Variants in PRKCQ observed in about 807,000 individuals in gnomAD.
The protein encoded by PRKCQ is protein kinase C theta, also known as protein kinase C theta type.
PRKCQ carries 41 observed loss-of-function variants against 91.2 expected under a neutral mutation model. The ratio of observed to expected loss-of-function variants is 0.45; its 90% CI spans 0.35 to 0.58. The LOEUF is 0.58. Among genes scored for constraint, PRKCQ ranks in the 20% least tolerant of loss-of-function variants. PRKCQ has a pLI of 0.00. For synonymous variants in PRKCQ, 307 were observed against 316.9 expected (o/e 0.97, Z 0.33); for missense variants, 673 against 896.5 (o/e 0.75, Z 3.18).
intron 14 of PRKCQ, among the ~76,000 whole-genome samples, chr10:6,458,593 G>T (rs1835153821): frequency 1.3e-5 from 2 of 152,072 alleles, no homozygotes; most frequent in Admixed American, 1.3e-4. Context: ...TTTGGAAGAG[G>T]TGGAGTGGGC....
intron 1 of PRKCQ, among the ~76,000 whole-genome samples, chr10:6,545,948 G>A (rs1839935499): frequency 2.0e-5 from 3 of 152,070 alleles, no homozygotes; most frequent in East Asian, 1.9e-4. Context: ...AGGTTGCAGT[G>A]AGCTGAGATT....
intron 8 of PRKCQ, 132 bp from the exon 9 acceptor site, chr10:6,486,276 A>G: frequency 1.4e-6 from 1 of 724,944 alleles, no homozygotes; most frequent in Non-Finnish European, 2.4e-6. Context: ...GAGGAAGTTG[A>G]CCCTGGCTCT....
rs542984176 is a variant in PRKCQ at position 6,485,225 on chromosome 10, C to T, written c.945G>A (p.Pro315=). 52 of 1,613,924 alleles carry T rather than the reference C, an allele frequency of 3.2e-5. No homozygotes were observed. The highest frequency in any genetic ancestry group is 7.7e-5 in the South Asian group (7 of 91,072). ...RDTEQIFREG[P]VEIGLPCSIK... ...TGGAGCATGGGAGACCAATTTCAAC[C>T]GGACCTTCTCTGAAGATCTGTTCAG... The change falls in exon 10 of 18, where the codon CCG becomes CCA. Residue 315 remains proline, a synonymous_variant. Coordinates refer to ENST00000263125, the MANE Select transcript of PRKCQ (RefSeq NM_006257.5).
chr10:6,447,779 C>T (rs187161161), intron 15 of PRKCQ, among the ~76,000 whole-genome samples: 20 of 152,320 alleles, frequency 1.3e-4, no homozygotes, highest in Admixed American at 1.3e-3. Context: ...CCCCAGGCCA[C>T]AGAGTCCCCT....
At chr10:6,496,925 G>A in intron 7 of PRKCQ, 110 bp downstream of exon 7, 1 of 985,514 alleles carries the variant, frequency 1.0e-6, no homozygotes. Context: ...GATGTTCACT[G>A]ATAAATGGGA....
rs750897702 is a variant in PRKCQ at position 6,568,075 on chromosome 10, TAA to T, written c.-10+12134_-10+12135del. Among the ~76,000 whole-genome samples, 61 of 152,060 alleles carry T rather than the reference TAA, an allele frequency of 4.0e-4. 1 individual carries two copies. The highest frequency in any genetic ancestry group is 7.2e-4 in the Non-Finnish European group (49 of 68,004). ...CAACATGATGAAAACATGTCTCTGC[TAA>T]AAATACAAAAGTTATCCAGGCATGG... On this transcript the variant is annotated intron_variant, in intron 1 of 17. Transcript: ENST00000263125.
chr10:6,483,485 C>G lies in PRKCQ; in HGVS notation c.1134G>C (p.Glu378Asp), dbSNP rs1211665940. ...RPSLQIKLKI[E>D]DFILHKMLGK... Reference sequence around the variant, plus strand: ...CCAACATTTTGTGCAAGATAAAATCCTCAATTTTTAGTTTAATCTGCAGAG... The same window carrying G: ...CCAACATTTTGTGCAAGATAAAATCGTCAATTTTTAGTTTAATCTGCAGAG... The change falls in exon 11 of 18, where the codon GAG (glutamate) becomes GAC (aspartate). Residue 378 changes from glutamate to aspartate, a missense_variant. Physicochemically the swap from Glu to Asp is conservative, Grantham distance 45. Coordinates refer to ENST00000263125, the MANE Select transcript of PRKCQ (RefSeq NM_006257.5). The G allele has an allele frequency of 6.2e-7, 1 of 1,614,136 alleles. No homozygotes were observed. Among genetic ancestry groups the G allele is most frequent in the East Asian group, 2.2e-5 (1 of 44,874 alleles).
intron 2 of PRKCQ, among the ~76,000 whole-genome samples, chr10:6,511,999 T>G (rs1838498964): frequency 6.6e-6 from 1 of 152,178 alleles, no homozygotes; most frequent in Admixed American, 6.5e-5. Context: ...GCCTTTGAGA[T>G]TCTCCTTTAT....
At chr10:6,517,588 CTTTTTTTTTTTTTTTTTTTT>C (rs56306878) in intron 1 of PRKCQ, among the ~76,000 whole-genome samples, 1 of 49,482 alleles carries the variant, frequency 2.0e-5, no homozygotes, top group African/African-American at 7.9e-5. Context: ...AAGATAGCAT[CTTTTTTTTTTTTTTTTTTTT>C]TTTTTTTTTT....
chr10:6,564,954 G>A (rs1343979200), intron 1 of PRKCQ, among the ~76,000 whole-genome samples: 5 of 152,096 alleles, frequency 3.3e-5, no homozygotes, highest in African/African-American at 9.7e-5. Context: ...AACTGATTAG[G>A]GCTTAAGCTT....
chr10:6,407,673 A>G, the PRKCQ span, among the ~76,000 whole-genome samples: 2 of 151,178 alleles, frequency 1.3e-5, no homozygotes, highest in South Asian at 4.2e-4. This position sits in a 1 kb window ranked among gnomAD's most constrained non-coding sequence, Gnocchi z 4.0. Context: ...TGTGTGTGGT[A>G]TGTGCATGTG....
rs1327399669 is a variant in PRKCQ, at chr10:6,529,577, G to A, written c.-9-14433C>T. Among the ~76,000 whole-genome samples, 3 of 152,170 alleles carry A rather than the reference G, an allele frequency of 2.0e-5. No individual in the cohort carries two copies. In the East Asian group the frequency reaches 5.8e-4, roughly 29 times the overall value. Reference sequence around the variant, plus strand: ...CTGGGCATGAGGCTTTGCCATTCTCGAACCTTTGCATGGCCGAGTTCAAAA... The same window carrying A: ...CTGGGCATGAGGCTTTGCCATTCTCAAACCTTTGCATGGCCGAGTTCAAAA... On this transcript the variant is annotated intron_variant, in intron 1 of 17. Transcript: ENST00000263125.
rs1233522348 is a variant in PRKCQ, at chr10:6,464,337, T to C, written c.1421A>G (p.His474Arg). The change falls in exon 13 of 18, where the codon CAC (histidine) becomes CGC (arginine). Residue 474 changes from histidine (H) to arginine (R), a missense_variant. By Grantham distance (29) the His-to-Arg change is conservative. Transcript: ENST00000263125. ...CGTCGCTCTGGAAAGGTCGAACTTG[T>C]GGCAGCTTTGGATGTGGTACATTAA... ...GDLMYHIQSC[H>R]KFDLSRATFY... 6.2e-7 allele frequency: 1 copy of C among 1,613,992 alleles called. No individual in the cohort carries two copies. The highest frequency in any genetic ancestry group is 1.3e-5 in the African/African-American group (1 of 75,030).
At chr10:6,531,489 C>G (rs1052702357) in intron 1 of PRKCQ, among the ~76,000 whole-genome samples, 2 of 151,396 alleles carry the variant, frequency 1.3e-5, no homozygotes, top group African/African-American at 2.4e-5. Flanking sequence ...AAGCACCCCC[C>G]CAAAACCAAT....
intron 4 of PRKCQ, among the ~76,000 whole-genome samples, chr10:6,505,749 G>A (rs1046844315): frequency 4.0e-5 from 6 of 151,708 alleles, no homozygotes; most frequent in African/African-American, 7.3e-5. Context: ...GGGCTTAAGC[G>A]ATCCTCCCAC....
chr10:6,575,834 G>C (rs1337693374), intron 1 of PRKCQ, among the ~76,000 whole-genome samples: 1 of 152,200 alleles, frequency 6.6e-6, no homozygotes, highest in Non-Finnish European at 1.5e-5. Context: ...GAGGTCAAGA[G>C]ATCGAGACCA....
chr10:6,461,012 C>T (rs1835305235), intron 14 of PRKCQ, among the ~76,000 whole-genome samples: 1 of 151,868 alleles, frequency 6.6e-6, no homozygotes, highest in South Asian at 2.1e-4. Flanking sequence ...CATCATTTAT[C>T]CATCCATCCA....
intron 14 of PRKCQ, among the ~76,000 whole-genome samples, chr10:6,457,090 G>T (rs1362853973): frequency 6.6e-6 from 1 of 152,104 alleles, no homozygotes; most frequent in Non-Finnish European, 1.5e-5. Context: ...CTTGATCCCA[G>T]GACTTTCCTG....
intron 1 of PRKCQ, among the ~76,000 whole-genome samples, chr10:6,524,385 G>A (rs1328738148): frequency 6.6e-6 from 1 of 152,048 alleles, no homozygotes; most frequent in Non-Finnish European, 1.5e-5. Flanking sequence ...CTTGCCTATG[G>A]TTACAAAGTG....
Sources: gnomAD v4.1 joint callset for allele counts (sites outside exome capture counted in the v4.1 genomes callset) on GRCh38, gnomAD v4.1.1 for gene constraint, Gnocchi (gnomAD v3.1) non-coding constraint, MANE v1.5 for transcripts, NCBI Gene and HGNC (gene_info 2026-07-23, HGNC 2026-07-21) for gene names.